The following CLPTM1 variants were observed in gnomAD, a reference collection of about 807,000 sequenced individuals.
The protein encoded by CLPTM1 is putative lipid scramblase CLPTM1.
A neutral mutation model predicts 77.3 loss-of-function variants in CLPTM1; 21 were observed. The ratio of observed to expected loss-of-function variants is 0.27; its 90% confidence interval spans 0.19 to 0.39. CLPTM1 has a LOEUF of 0.39. Among genes scored for constraint, CLPTM1 ranks in the 10% least tolerant of loss-of-function variants. The pLI is 1.00. For synonymous variants in CLPTM1, 373 were observed against 381.0 expected, an observed-to-expected ratio of 0.98 and a Z score of 0.24; for missense variants, 642 against 921.2, an observed-to-expected ratio of 0.70 and a Z score of 3.92.
intron 4 of CLPTM1, among the ~76,000 whole-genome samples, chr19:44,975,309 G>GGCA (rs1970788853): frequency 6.6e-6 from 1 of 152,234 alleles, no homozygotes; most frequent in Non-Finnish European, 1.5e-5. Context: ...GTGATAATAA[G>GGCA]GCTGGGGCTG....
At chr19:44,972,995 G>A (rs577775221) in intron 2 of CLPTM1, 92 bp from the exon 3 acceptor site, 30 of 1,541,924 alleles carry the variant, frequency 1.9e-5, no homozygotes, top group South Asian at 2.4e-5. Context: ...CAGGTCAGGC[G>A]CCAGCATGTG....
chr19:44,954,668 T>G, upstream of CLPTM1: 1 of 1,132,980 alleles, frequency 8.8e-7, no homozygotes, highest in Middle Eastern at 4.0e-4. Flanking sequence ...TGTGGAATTC[T>G]CAGAGCCCGT....
Position 44,992,476 on chromosome 19 carries a change from G to T in CLPTM1, c.1723+76G>T, listed in dbSNP as rs1971091441. 6.3e-7 allele frequency: 1 copy of T among 1,595,350 alleles called. No individual in the cohort carries two copies. ...CAGTCTTTAGGGCCCAGGCCTGAGGGGGTGCCACGGCCCCAGATGGGGTGC... is the reference window on the plus strand; with the variant it reads ...CAGTCTTTAGGGCCCAGGCCTGAGGTGGTGCCACGGCCCCAGATGGGGTGC... On this transcript the variant is annotated intron_variant, in intron 13 of 13. Coordinates refer to ENST00000337392, the MANE Select transcript of CLPTM1 (RefSeq NM_001294.4). This position sits in a 1 kb window ranked among gnomAD's most constrained non-coding sequence, Gnocchi z 7.7.
upstream of CLPTM1, chr19:44,954,946 G>A (rs1970433238): frequency 2.6e-6 from 4 of 1,524,976 alleles, no homozygotes; most frequent in East Asian, 4.9e-5. Context: ...TGGCCAGAAA[G>A]GTTCCTCTGA....
intron 9 of CLPTM1, among the ~76,000 whole-genome samples, chr19:44,988,992 G>A (rs1034121572): frequency 7.9e-5 from 12 of 152,320 alleles, no homozygotes; most frequent in Admixed American, 7.8e-4. Flanking sequence ...ACCAGCCTGG[G>A]CAACAAAGCG....
At chr19:44,983,980 G>A (rs115879745) in intron 5 of CLPTM1, among the ~76,000 whole-genome samples, 31 of 152,254 alleles carry the variant, frequency 2.0e-4, no homozygotes, top group African/African-American at 6.7e-4. Context: ...AAACAGAAAC[G>A]TCCCCAGGCC....
At chr19:44,967,561 G>A (rs1456925771) in intron 2 of CLPTM1, among the ~76,000 whole-genome samples, 1 of 151,980 alleles carries the variant, frequency 6.6e-6, no homozygotes, top group Non-Finnish European at 1.5e-5. Flanking sequence ...GGAGGCTGAG[G>A]CAGGAGAATC....
At chr19:44,977,487 C>T (rs748262295) in intron 5 of CLPTM1, 27 bp downstream of exon 5, 1 of 1,539,904 alleles carries the variant, frequency 6.5e-7, no homozygotes, top group Non-Finnish European at 8.9e-7. Flanking sequence ...CAGCCAGGAC[C>T]CACTGTCCAG....
intron 2 of CLPTM1, 61 bp downstream of exon 2, chr19:44,962,136 G>C: frequency 9.3e-7 from 1 of 1,070,168 alleles, no homozygotes; most frequent in Non-Finnish European, 1.4e-6. Context: ...AAGGAAGAAA[G>C]GAAAAGTCAG....
At chr19:44,960,046 A>G (rs141869820) in intron 1 of CLPTM1, among the ~76,000 whole-genome samples, 1 of 152,320 alleles carries the variant, frequency 6.6e-6, no homozygotes, top group African/African-American at 2.4e-5. Flanking sequence ...ATTGAAACCC[A>G]TACTTGGACC....
chr19:44,971,105 A>G (rs2122270837), intron 2 of CLPTM1, among the ~76,000 whole-genome samples: 1 of 152,190 alleles, frequency 6.6e-6, no homozygotes, highest in South Asian at 2.1e-4. Context: ...TGCTGGGATT[A>G]CAGGCTTGAG....
intron 4 of CLPTM1, 70 bp from the exon 5 acceptor site, chr19:44,977,273 C>T: frequency 8.8e-7 from 1 of 1,133,434 alleles, no homozygotes; most frequent in South Asian, 1.2e-5. Context: ...AGATGGGTGC[C>T]AGGCAGGGCT....
chr19:44,985,990 G>A (rs1970971268), intron 6 of CLPTM1, among the ~76,000 whole-genome samples: 1 of 152,164 alleles, frequency 6.6e-6, no homozygotes, highest in Non-Finnish European at 1.5e-5. Context: ...GGTCCTGGGT[G>A]GCGGAATCTC....
chr19:44,964,143 A>G (rs1970588678), intron 2 of CLPTM1, among the ~76,000 whole-genome samples: 1 of 151,740 alleles, frequency 6.6e-6, no homozygotes, highest in Non-Finnish European at 1.5e-5. Flanking sequence ...GTGAGACCTT[A>G]TCGCAAAAAA....
intron 4 of CLPTM1, among the ~76,000 whole-genome samples, chr19:44,975,416 C>A (rs1363586427): frequency 6.6e-6 from 1 of 152,184 alleles, no homozygotes; most frequent in Non-Finnish European, 1.5e-5. Flanking sequence ...CTCTTTGGGG[C>A]CTTCTTCGGC....
At chr19:44,968,051 AT>A (rs1568383035) in intron 2 of CLPTM1, among the ~76,000 whole-genome samples, 1 of 151,918 alleles carries the variant, frequency 6.6e-6, no homozygotes, top group Non-Finnish European at 1.5e-5. Context: ...CTGCTCCTTG[AT>A]TTTTTTCATT....
chr19:44,991,097 G>T lies in CLPTM1; in HGVS notation c.1420-141G>T. 7.0e-7 allele frequency: 1 copy of T among 1,430,344 alleles called. No homozygotes were observed. Among genetic ancestry groups the T allele is most frequent in the Non-Finnish European group, 9.6e-7 (1 of 1,040,314 alleles). 88.6% of individuals were successfully genotyped at this position (1,430,344 alleles called of 1,614,324 possible). On this transcript the variant is annotated intron_variant, in intron 11 of 13. Coordinates refer to ENST00000337392, the MANE Select transcript of CLPTM1 (RefSeq NM_001294.4). This position sits in a 1 kb window ranked among gnomAD's most constrained non-coding sequence, Gnocchi z 5.4. ...CCCATCTGCCATAACTGCTTCCCTG[G>T]GCGAGTCCGGAGTCCCCAGGGCTAC...
intron 5 of CLPTM1, 50 bp from the exon 6 acceptor site, chr19:44,985,168 C>A: frequency 7.3e-7 from 1 of 1,373,948 alleles, no homozygotes; most frequent in Admixed American, 1.7e-5. Flanking sequence ...CTGGAGGCTG[C>A]AGGTGCCAGC....
At chr19:44,964,677 C>T (rs1302284043) in intron 2 of CLPTM1, among the ~76,000 whole-genome samples, 1 of 152,184 alleles carries the variant, frequency 6.6e-6, no homozygotes. Context: ...GTGCCCCCAT[C>T]ACCATTATCC....
Sources: gnomAD v4.1 joint callset for allele counts (sites outside exome capture counted in the v4.1 genomes callset) on GRCh38, gnomAD v4.1.1 for gene constraint, Gnocchi (gnomAD v3.1) non-coding constraint, MANE v1.5 for transcripts, NCBI Gene and HGNC (gene_info 2026-07-23, HGNC 2026-07-21) for gene names.